The following MRPL48 variants were observed in gnomAD, a reference collection of about 807,000 sequenced individuals.
MRPL48 encodes mitochondrial ribosomal protein L48, also known as large ribosomal subunit protein mL48.
Under a neutral mutation model 32.9 loss-of-function variants are expected in MRPL48, and 16 were observed. The observed-to-expected ratio is 0.49, with a 90% CI of 0.33 to 0.74. MRPL48 has a LOEUF of 0.74. Ranked by LOEUF, MRPL48 falls within the 30% of genes least tolerant of loss-of-function variation. The probability of loss-of-function intolerance (pLI) is 0.02; values close to 1 mark genes in which losing one functional copy is unlikely to be tolerated. For missense variants in MRPL48, 206 were observed against 245.3 expected (o/e 0.84, Z 1.07); for synonymous variants, 94 against 89.2 (o/e 1.05, Z -0.31).
intron 5 of MRPL48, among the ~76,000 whole-genome samples, chr11:73,847,592 C>G (rs952805127): frequency 2.0e-5 from 3 of 152,142 alleles, no homozygotes; most frequent in African/African-American, 7.2e-5. Flanking sequence ...AGGCGCCTGC[C>G]ACCATGCCCA....
chr11:73,846,925 T>G (rs972670229), intron 5 of MRPL48, among the ~76,000 whole-genome samples: 1 of 151,838 alleles, frequency 6.6e-6, no homozygotes, highest in African/African-American at 2.4e-5. Context: ...TAAAATTTTT[T>G]GTAGAGATGG....
At chr11:73,845,941 G>A (rs12363875) in intron 5 of MRPL48, among the ~76,000 whole-genome samples, 1 of 151,624 alleles carries the variant, frequency 6.6e-6, no homozygotes, top group Non-Finnish European at 1.5e-5. Context: ...AGTGGTGCAC[G>A]CCTGTAGTCC....
chr11:73,817,793 T>C (rs960584578), intron 3 of MRPL48: 2 of 389,546 alleles, frequency 5.1e-6, no homozygotes, highest in Admixed American at 3.1e-5. Context: ...GATATTTATT[T>C]TTGTTGTTGT....
intron 4 of MRPL48, among the ~76,000 whole-genome samples, chr11:73,828,518 G>A (rs981526476): frequency 7.9e-5 from 12 of 152,082 alleles, no homozygotes; most frequent in African/African-American, 2.4e-4. Flanking sequence ...GAGCTACCAT[G>A]CCTGGCAAGC....
intron 4 of MRPL48, among the ~76,000 whole-genome samples, chr11:73,840,558 G>A (rs532285355): frequency 1.3e-5 from 2 of 152,262 alleles, no homozygotes; most frequent in Admixed American, 1.3e-4. Flanking sequence ...AGAGTGCAGT[G>A]GTGTGATCTC....
chr11:73,841,021 T>C lies in MRPL48; in HGVS notation c.202-3786T>C, dbSNP rs79699768. Among the ~76,000 whole-genome samples the C allele has an allele frequency of 1.4e-3, 206 of 152,302 alleles. 1 individual carries two copies. Among genetic ancestry groups the C allele is most frequent in the African/African-American group, 4.5e-3 (188 of 41,572 alleles). ...ATAGTATCCAAATAGCCAGTAATCA[T>C]ATGGGAAGGTGCTCAGGCTCAATAG... On this transcript the variant is annotated intron_variant, in intron 4 of 7. Transcript: ENST00000310614.
chr11:73,856,757 C>T (rs1948487119), intron 5 of MRPL48, among the ~76,000 whole-genome samples: 1 of 152,104 alleles, frequency 6.6e-6, no homozygotes, highest in Admixed American at 6.5e-5. Flanking sequence ...GCAATACTTC[C>T]CCTAAATAGC....
chr11:73,856,393 C>CAAAA (rs1356321825), intron 5 of MRPL48, among the ~76,000 whole-genome samples: 7 of 152,302 alleles, frequency 4.6e-5, no homozygotes, highest in Admixed American at 1.3e-4. Flanking sequence ...TTGGGCTAGA[C>CAAAA]AGCAGGATGC....
intron 5 of MRPL48, among the ~76,000 whole-genome samples, chr11:73,855,218 A>G (rs1160715207): frequency 6.6e-6 from 1 of 151,756 alleles, no homozygotes; most frequent in Non-Finnish European, 1.5e-5. Context: ...TCCACACAGC[A>G]TTTATGGTGA....
At chr11:73,852,393 C>CAAAAAAA (rs10554131) in intron 5 of MRPL48, among the ~76,000 whole-genome samples, 45 of 83,252 alleles carry the variant, frequency 5.4e-4, no homozygotes, top group African/African-American at 6.7e-4. Flanking sequence ...AACTCTATAG[C>CAAAAAAA]AAAAAAAAAA....
intron 3 of MRPL48, among the ~76,000 whole-genome samples, chr11:73,814,020 G>A (rs1338090586): frequency 2.1e-5 from 3 of 144,054 alleles, no homozygotes; most frequent in Non-Finnish European, 4.5e-5. Flanking sequence ...CAGCCTGAGC[G>A]ACAGAGTGAG....
At chr11:73,820,127 T>C (rs1947748335) in intron 3 of MRPL48, among the ~76,000 whole-genome samples, 1 of 152,158 alleles carries the variant, frequency 6.6e-6, no homozygotes, top group Non-Finnish European at 1.5e-5. Context: ...CTTTTAAAAA[T>C]ATATATCAGA....
At chr11:73,856,684 A>G (rs747373569) in intron 5 of MRPL48, among the ~76,000 whole-genome samples, 1 of 152,152 alleles carries the variant, frequency 6.6e-6, no homozygotes, top group African/African-American at 2.4e-5. Context: ...AAAAATTGAG[A>G]TATAACTTGT....
At chr11:73,801,711 G>C (rs1333517439) in intron 1 of MRPL48, among the ~76,000 whole-genome samples, 2 of 152,168 alleles carry the variant, frequency 1.3e-5, no homozygotes, top group Admixed American at 1.3e-4. Context: ...CCCTAGGCTA[G>C]CTTCAATAGT....
At chr11:73,808,935 A>AT (rs199750545) in intron 3 of MRPL48, among the ~76,000 whole-genome samples, 12 of 151,802 alleles carry the variant, frequency 7.9e-5, no homozygotes, top group Middle Eastern at 3.4e-3. Context: ...AAAAAAAAAA[A>AT]AATAATGAGA....
chr11:73,795,905 A>G (rs2134936670), intron 1 of MRPL48, among the ~76,000 whole-genome samples: 1 of 152,254 alleles, frequency 6.6e-6, no homozygotes, highest in Admixed American at 6.5e-5. Flanking sequence ...TACCATCCCA[A>G]AAGGAAACTC....
In MRPL48 at chr11:73,839,474, A is replaced by C. The variant is rs151112710; in HGVS notation, c.202-5333A>C. Among the ~76,000 whole-genome samples the C allele has an allele frequency of 1.4e-3, 219 of 152,340 alleles. 2 individuals carry two copies. Among genetic ancestry groups the C allele is most frequent in the Non-Finnish European group, 1.5e-3 (101 of 68,028 alleles). ...GGATAGACAAATAGCCCAATGGAAC[A>C]GAAGAGTAGAGAAACAAATGCACAT... On this transcript the variant is annotated intron_variant, in intron 4 of 7. Transcript: ENST00000310614.
Position 73,863,238 on chromosome 11 carries a change from G to A in MRPL48, c.541G>A (p.Gly181Arg), listed in dbSNP as rs866641089. ...LEIIQSSLPEGVRLSVKEHTE... is the reference protein window; with the variant it reads ...LEIIQSSLPERVRLSVKEHTE... ...AATAATCCAAAGCAGTCTTCCTGAA[G>A]GAGTCAGACTGTCAGTGAAGGAGGT... is the stretch of plus-strand genomic sequence containing the variant. Residue 181 changes from glycine to arginine, a missense_variant, in exon 7 of 8, where the codon GGA becomes AGA. By Grantham distance (125) the Gly-to-Arg change is moderately radical. Transcript: ENST00000310614. 3.8e-6 allele frequency: 6 copies of A among 1,570,488 alleles called. No homozygotes were observed. The highest frequency in any genetic ancestry group is 5.2e-6 in the Non-Finnish European group (6 of 1,157,258).
intron 1 of MRPL48, among the ~76,000 whole-genome samples, chr11:73,798,994 CAAA>C (rs113432463): frequency 4.7e-5 from 6 of 128,438 alleles, no homozygotes; most frequent in Admixed American, 1.6e-4. Context: ...CCCTCTCAAG[CAAA>C]AAAAAAAAAA....
Sources: gnomAD v4.1 joint callset for allele counts (sites outside exome capture counted in the v4.1 genomes callset) on GRCh38, gnomAD v4.1.1 for gene constraint, MANE v1.5 for transcripts, NCBI Gene and HGNC (gene_info 2026-07-23, HGNC 2026-07-21) for gene names.